Variants in NLRP9 observed in about 807,000 individuals in gnomAD.
NLRP9 encodes NLR family pyrin domain containing 9.
A neutral mutation model predicts 83.1 loss-of-function variants in NLRP9; 88 were observed. The ratio of observed to expected loss-of-function variants is 1.06; its 90% CI spans 0.89 to 1.26. The LOEUF (loss-of-function observed/expected upper bound fraction) is 1.26. Ranked by LOEUF, NLRP9 falls within the 50% of genes most tolerant of loss-of-function variation. The pLI, the probability that NLRP9 is intolerant of heterozygous loss-of-function variation, is 0.00. For synonymous variants in NLRP9, 521 were observed against 447.6 expected, an observed-to-expected ratio of 1.16 and a Z score of -2.07; for missense variants, 1,308 against 1,179.3, an observed-to-expected ratio of 1.11 and a Z score of -1.60.
At chr19:55,733,762 G>A (rs190650329) in intron 1 of NLRP9, among the ~76,000 whole-genome samples, 4 of 152,216 alleles carry the variant, frequency 2.6e-5, no homozygotes, top group South Asian at 2.1e-4. Flanking sequence ...CAGGAACACA[G>A]GCTTGAAGTC....
chr19:55,725,206 G>A (rs1988363263), intron 3 of NLRP9, among the ~76,000 whole-genome samples: 1 of 152,082 alleles, frequency 6.6e-6, no homozygotes. Flanking sequence ...AGCCAGATAT[G>A]TACATATTTA....
intron 8 of NLRP9, 30 bp from the exon 9 acceptor site, chr19:55,709,074 T>TTTG: frequency 1.3e-6 from 2 of 1,542,300 alleles, no homozygotes; most frequent in East Asian, 2.4e-5. Context: ...GTTTTTTTTT[T>TTTG]TGTTTTTCAT....
intron 3 of NLRP9, among the ~76,000 whole-genome samples, chr19:55,725,908 C>G (rs1028464447): frequency 5.3e-5 from 8 of 151,916 alleles, no homozygotes; most frequent in Admixed American, 1.3e-4. Context: ...CACCTGTAGT[C>G]CCAGCTACTG....
Position 55,733,466 on chromosome 19 carries a change from T to C in NLRP9, c.365A>G (p.His122Arg). ...EKETCLHVPE[H>R]FYKETMKNEY... is the part of the protein sequence containing the mutation. ...ATTTTTCATGGTTTCTTTGTAGAAA[T>C]GCTCAGGGACGTGAAGACAGGTTTC... Residue 122 changes from histidine (H) to arginine (R), a missense_variant, in exon 2 of 9, where the codon CAT becomes CGT. Transcript: ENST00000332836. 2 of 1,613,924 alleles carry C rather than the reference T, an allele frequency of 1.2e-6. No individual in the cohort carries two copies. Among genetic ancestry groups the C allele is most frequent in the Non-Finnish European group, 1.7e-6 (2 of 1,179,898 alleles).
rs1378001790 is a variant in NLRP9 at position 55,732,744 on chromosome 19, T to C, written c.1087A>G (p.Asn363Asp). Residue 363 changes from asparagine to aspartate, a missense_variant, in exon 2 of 9, where the codon AAC (asparagine) becomes GAC (aspartate). Transcript: ENST00000332836. ...RGEDLEINSQ[N>D]TTYLYASFLT... ...AAGGATGCATATAAATAGGTGGTGT[T>C]TTGGGAGTTTATTTCAAGGTCTTCT... The C allele has an allele frequency of 6.2e-7, 1 of 1,614,048 alleles. No individual in the cohort carries two copies.
chr19:55,719,449 G>A (rs143771898), intron 4 of NLRP9, among the ~76,000 whole-genome samples: 5 of 152,204 alleles, frequency 3.3e-5, no homozygotes, highest in South Asian at 2.1e-4. Context: ...CGCCATGCCC[G>A]GCCCGGCCCC....
rs370923096 is a variant in NLRP9, at chr19:55,708,500, A to C, written c.*412T>G. On this transcript the variant is annotated 3_prime_UTR_variant, in exon 9 of 9. Transcript: ENST00000332836. ...AAATCGAAATCTGGACAAACTAGAA[A>C]GTCTGGATGCTAGCAATACAATCTA... 6.5e-6 allele frequency: 1 copy of C among 154,488 alleles called. No individual in the cohort carries two copies. The highest frequency in any genetic ancestry group is 1.4e-5 in the Non-Finnish European group (1 of 69,702). The allele number at this position is 154,488 out of a possible 1,614,324, so 9.6% of individuals were successfully genotyped here.
intron 1 of NLRP9, among the ~76,000 whole-genome samples, chr19:55,735,767 A>G (rs2122342342): frequency 6.6e-6 from 1 of 152,138 alleles, no homozygotes; most frequent in East Asian, 1.9e-4. Context: ...GGCTCACTGC[A>G]ACTTCCACCT....
intron 1 of NLRP9, among the ~76,000 whole-genome samples, chr19:55,735,327 C>A (rs1379533598): frequency 1.4e-5 from 2 of 145,938 alleles, no homozygotes; most frequent in South Asian, 4.7e-4. Context: ...TGGCTCACGC[C>A]GGTAATCCCA....
chr19:55,708,944 C>G lies in NLRP9; in HGVS notation c.2944G>C (p.Glu982Gln). 1 of 1,570,806 alleles carries G rather than the reference C, an allele frequency of 6.4e-7. No homozygotes were observed. Among genetic ancestry groups the G allele is most frequent in the Non-Finnish European group, 8.6e-7 (1 of 1,163,556 alleles). Reference sequence around the variant, plus strand: ...AGCACACCCCTGATCTTGTATTCCTCGTCAATCCAAGGTCCATGTGAAATG... The same window carrying G: ...AGCACACCCCTGATCTTGTATTCCTGGTCAATCCAAGGTCCATGTGAAATG... ...LTISHGPWIDEEYKIRGVLL is the reference protein window; with the variant it reads ...LTISHGPWIDQEYKIRGVLL Residue 982 changes from glutamate (E) to glutamine (Q), a missense_variant, in exon 9 of 9, where the codon GAG becomes CAG. Transcript: ENST00000332836.
At chr19:55,730,927 T>TA (rs1268654528) in intron 2 of NLRP9, among the ~76,000 whole-genome samples, 3 of 150,528 alleles carry the variant, frequency 2.0e-5, no homozygotes, top group Admixed American at 6.6e-5. Context: ...AAGTTGGAAA[T>TA]AAAAAAAAAG....
At position 55,715,036 on chromosome 19, in the gene NLRP9, A is replaced by T. The variant is rs200405165; in HGVS notation, c.2501+19T>A. The T allele has an allele frequency of 9.5e-6, 15 of 1,585,204 alleles. No homozygotes were observed. Among genetic ancestry groups the T allele is most frequent in the African/African-American group, 1.4e-5 (1 of 73,762 alleles). On this transcript the variant is annotated intron_variant, in intron 6 of 8. Transcript: ENST00000332836. Reference sequence around the variant, plus strand: ...AAAAAAGAAACCCTGACATTGAAGCAAATCATGGCCGGTCCTACCACAGCT... The same window carrying T: ...AAAAAAGAAACCCTGACATTGAAGCTAATCATGGCCGGTCCTACCACAGCT...
chr19:55,715,062 C>T lies in NLRP9; in HGVS notation c.2494G>A (p.Glu832Lys). ...ALKHPGCSIR[E>K]LWLMGCFLTS... ...AATCATGGCCGGTCCTACCACAGCT[C>T]CCGTATGCTGCAGCCTGGGTGCTTC... Residue 832 changes from glutamate (E) to lysine (K), a missense_variant, in exon 6 of 9, where the codon GAG becomes AAG. Coordinates refer to ENST00000332836, the MANE Select transcript of NLRP9 (RefSeq NM_176820.4). 6.2e-7 allele frequency: 1 copy of T among 1,610,088 alleles called. No individual in the cohort carries two copies.
chr19:55,724,727 T>C (rs574659563), intron 3 of NLRP9, among the ~76,000 whole-genome samples: 1 of 152,278 alleles, frequency 6.6e-6, no homozygotes, highest in East Asian at 1.9e-4. Flanking sequence ...CTAATGGCTG[T>C]GTGGCCCAGT....
At chr19:55,711,024 T>C (rs1191618368) in intron 8 of NLRP9, among the ~76,000 whole-genome samples, 3 of 150,546 alleles carry the variant, frequency 2.0e-5, no homozygotes, top group African/African-American at 7.4e-5. Context: ...AGGCAGGGGT[T>C]GAAGTGAGCT....
At position 55,723,963 on chromosome 19, in the gene NLRP9, G is replaced by A. The variant is rs777261936; in HGVS notation, c.2159+17C>T. 8 of 1,597,730 alleles carry A rather than the reference G, an allele frequency of 5.0e-6. No homozygotes were observed. The highest frequency in any genetic ancestry group is 6.8e-6 in the Non-Finnish European group (8 of 1,173,210). ...CTTGGAAAGAAACAGCACTCGGCAT[G>A]AACAGCCCGGACTTACATCAGCTCT... On this transcript the variant is annotated intron_variant, in intron 4 of 8. Coordinates refer to ENST00000332836, the MANE Select transcript of NLRP9 (RefSeq NM_176820.4).
intron 1 of NLRP9, among the ~76,000 whole-genome samples, chr19:55,735,860 G>T (rs1214137560): frequency 6.6e-6 from 1 of 151,426 alleles, no homozygotes; most frequent in African/African-American, 2.4e-5. Flanking sequence ...GGTAATTTTT[G>T]TATTTTTAGT....
intron 1 of NLRP9, among the ~76,000 whole-genome samples, chr19:55,735,507 G>T (rs1332121273): frequency 6.6e-6 from 1 of 152,042 alleles, no homozygotes; most frequent in Non-Finnish European, 1.5e-5. Context: ...TGTAATCATG[G>T]CTCATAGCTT....
At chr19:55,713,950 A>G (rs1409323474) in intron 6 of NLRP9, among the ~76,000 whole-genome samples, 1 of 127,166 alleles carries the variant, frequency 7.9e-6, no homozygotes. Flanking sequence ...CCTAGGAAGC[A>G]TGGGACAGCA....
Sources: gnomAD v4.1 joint callset for allele counts (sites outside exome capture counted in the v4.1 genomes callset) on GRCh38, gnomAD v4.1.1 for gene constraint, MANE v1.5 for transcripts, NCBI Gene and HGNC (gene_info 2026-07-23, HGNC 2026-07-21) for gene names.